OR1F1: variants seen among roughly 807,000 people sequenced by gnomAD.
The protein encoded by OR1F1 is olfactory receptor 1F1.
For missense variants in OR1F1, 493 were observed against 376.3 expected (o/e 1.31, Z -2.57); for synonymous variants, 184 against 156.7 (o/e 1.17, Z -1.30).
At chr16:3,195,265 G>A in the OR1F1 span, among the ~76,000 whole-genome samples, 11 of 152,102 alleles carry the variant, frequency 7.2e-5, no homozygotes, top group African/African-American at 2.7e-4. Flanking sequence ...TGTGCTAATT[G>A]CGTTTACTAT....
At chr16:3,200,098 T>C (rs1204011579), upstream of OR1F1, among the ~76,000 whole-genome samples, 2 of 151,712 alleles carry the variant, frequency 1.3e-5, no homozygotes. Flanking sequence ...GGCAGGCCGC[T>C]TGTAAGAATG....
chr16:3,195,628 G>C, the OR1F1 span, among the ~76,000 whole-genome samples: 1 of 145,994 alleles, frequency 6.8e-6, no homozygotes, highest in South Asian at 2.1e-4. Context: ...GTTGCAGTGA[G>C]CAGAGATCAC....
chr16:3,198,879 C>T, the OR1F1 span, among the ~76,000 whole-genome samples: 1 of 151,816 alleles, frequency 6.6e-6, no homozygotes, highest in Non-Finnish European at 1.5e-5. Flanking sequence ...ATCGCTTGAG[C>T]CCAGGAGCTT....
exon 1 of OR1F1, chr16:3,204,481 C>T (rs1473403066): frequency 6.2e-7 from 1 of 1,614,130 alleles, no homozygotes; most frequent in Non-Finnish European, 8.5e-7. Flanking sequence ...CACCACCGTC[C>T]CCAAGATGCT....
upstream of OR1F1, among the ~76,000 whole-genome samples, chr16:3,200,016 C>CAA (rs533022490): frequency 4.4e-5 from 6 of 135,850 alleles, no homozygotes; most frequent in African/African-American, 1.6e-4. Flanking sequence ...AACTCCGTCT[C>CAA]AAAAAAAAAA....
chr16:3,199,476 G>C (rs1193314413), upstream of OR1F1, among the ~76,000 whole-genome samples: 1 of 151,956 alleles, frequency 6.6e-6, no homozygotes, highest in East Asian at 1.9e-4. Context: ...AACATAATGA[G>C]ACATCATCTT....
the OR1F1 span, among the ~76,000 whole-genome samples, chr16:3,198,762 A>C: frequency 6.6e-6 from 1 of 151,930 alleles, no homozygotes; most frequent in South Asian, 2.1e-4. Flanking sequence ...GCGAGGCAGG[A>C]GGATCACTTA....
At chr16:3,204,714 CCTT>C (rs200396618) in exon 1 of OR1F1, 12 of 1,614,018 alleles carry the variant, frequency 7.4e-6, no homozygotes, top group Non-Finnish European at 1.0e-5. Flanking sequence ...ACCTGAATGT[CCTT>C]CTGCACACCC....
At chr16:3,204,400 G>C (rs758609972) in exon 1 of OR1F1, 2 of 1,614,060 alleles carry the variant, frequency 1.2e-6, no homozygotes. Context: ...CGTAAGCATA[G>C]ACTCCTGCCT....
At chr16:3,189,597 G>A in the OR1F1 span, among the ~76,000 whole-genome samples, 1 of 152,198 alleles carries the variant, frequency 6.6e-6, no homozygotes, top group East Asian at 1.9e-4. Context: ...AGGATGCTAG[G>A]ACGCCCACAA....
the OR1F1 span, among the ~76,000 whole-genome samples, chr16:3,196,679 C>T: frequency 2.7e-5 from 4 of 150,370 alleles, no homozygotes; most frequent in African/African-American, 7.4e-5. Flanking sequence ...TAAGCCACCA[C>T]GACTGGCGGT....
At chr16:3,193,556 C>T in the OR1F1 span, among the ~76,000 whole-genome samples, 1 of 152,160 alleles carries the variant, frequency 6.6e-6, no homozygotes, top group African/African-American at 2.4e-5. Flanking sequence ...CTATGGCGTC[C>T]CCGGCGACCC....
At chr16:3,189,994 C>T in the OR1F1 span, among the ~76,000 whole-genome samples, 3 of 152,122 alleles carry the variant, frequency 2.0e-5, no homozygotes, top group Admixed American at 6.6e-5. Context: ...AGTGCAAACT[C>T]GAGGCACCGA....
chr16:3,189,327 C>T, the OR1F1 span, among the ~76,000 whole-genome samples: 1 of 152,322 alleles, frequency 6.6e-6, no homozygotes, highest in Admixed American at 6.5e-5. Flanking sequence ...CCATGTCCTG[C>T]GGAAGCTGGA....
upstream of OR1F1, chr16:3,204,136 A>G: frequency 4.0e-6 from 3 of 749,002 alleles, no homozygotes; most frequent in Non-Finnish European, 6.5e-6. Flanking sequence ...TATCATTTAC[A>G]TCCTGCAAGC....
chr16:3,199,115 C>CAAAAAAAAAAAAAAAAA, the OR1F1 span, among the ~76,000 whole-genome samples: 1 of 52,576 alleles, frequency 1.9e-5, no homozygotes, highest in African/African-American at 6.8e-5. Context: ...CCTGTCTCTA[C>CAAAAAAAAAAAAAAAAA]AAAAAAAAAA....
chr16:3,204,966 C>T (rs759199368), exon 1 of OR1F1: 3 of 1,614,126 alleles, frequency 1.9e-6, no homozygotes, highest in African/African-American at 1.3e-5. Flanking sequence ...CCTTCTCCAC[C>T]TGTGGTTCTC....
downstream of OR1F1, among the ~76,000 whole-genome samples, chr16:3,205,344 C>A (rs1359195298): frequency 6.6e-6 from 1 of 152,104 alleles, no homozygotes; most frequent in African/African-American, 2.4e-5. Flanking sequence ...GAGACAGGGT[C>A]ATGCTCTGTC....
chr16:3,196,490 C>A, the OR1F1 span, among the ~76,000 whole-genome samples: 3 of 151,324 alleles, frequency 2.0e-5, no homozygotes, highest in African/African-American at 4.9e-5. Context: ...CTGAGGATAT[C>A]TTCCCACCTC....
Sources: gnomAD v4.1 joint callset for allele counts (sites outside exome capture counted in the v4.1 genomes callset) on GRCh38, gnomAD v4.1.1 for gene constraint, MANE v1.5 for transcripts, NCBI Gene and HGNC (gene_info 2026-07-23, HGNC 2026-07-21) for gene names.